The following WASHC3 variants were observed in gnomAD, a reference collection of about 807,000 sequenced individuals.
WASHC3 encodes WASH complex subunit 3.
Under a neutral mutation model 26.1 loss-of-function variants are expected in WASHC3, and 24 were observed. The observed-to-expected ratio is 0.92, with a 90% CI of 0.66 to 1.29. The LOEUF (loss-of-function observed/expected upper bound fraction) is 1.29, where lower values mean the gene tolerates loss of function less well. Among genes scored for constraint, WASHC3 ranks in the 50% most tolerant of loss-of-function variants. The pLI is 0.00. For missense variants in WASHC3, 214 were observed against 229.6 expected (o/e 0.93, Z 0.44); for synonymous variants, 77 against 75.7 (o/e 1.02, Z -0.09).
intron 5 of WASHC3, among the ~76,000 whole-genome samples, chr12:102,035,305 GC>G (rs1323731742): frequency 1.3e-5 from 2 of 152,066 alleles, no homozygotes; most frequent in African/African-American, 4.8e-5. Flanking sequence ...GAACACAAAG[GC>G]CAAAATAAAT....
intron 1 of WASHC3, 92 bp downstream of exon 1, chr12:102,061,819 TG>T: frequency 9.1e-7 from 1 of 1,100,160 alleles, no homozygotes; most frequent in Non-Finnish European, 1.3e-6. Context: ...CGTGACAGGG[TG>T]GGGACTCGGA....
At chr12:102,050,647 G>A (rs2136682970) in intron 2 of WASHC3, 2 of 432,676 alleles carry the variant, frequency 4.6e-6, no homozygotes, top group Non-Finnish European at 9.2e-6. Context: ...CGTCTCGGGG[G>A]GAAAAGAAAA....
At chr12:102,041,857 A>C (rs1877952671) in intron 4 of WASHC3, among the ~76,000 whole-genome samples, 1 of 152,116 alleles carries the variant, frequency 6.6e-6, no homozygotes, top group Admixed American at 6.5e-5. Context: ...CAATTTTTAA[A>C]TAAAATTGCC....
chr12:102,025,877 G>A (rs1055803433), intron 6 of WASHC3, 97 bp downstream of exon 6: 7 of 709,214 alleles, frequency 9.9e-6, no homozygotes, highest in African/African-American at 9.0e-5. Context: ...ATAAAACACT[G>A]TAGGAATAAA....
At chr12:102,035,235 A>G (rs1877606444) in intron 5 of WASHC3, among the ~76,000 whole-genome samples, 1 of 152,160 alleles carries the variant, frequency 6.6e-6, no homozygotes. Flanking sequence ...CCCACTGAAA[A>G]TTTAATTCCT....
chr12:102,038,134 C>T (rs1033497012), intron 5 of WASHC3, among the ~76,000 whole-genome samples: 4 of 152,022 alleles, frequency 2.6e-5, no homozygotes, highest in African/African-American at 9.7e-5. Context: ...GACTGAAAAG[C>T]AATTGAACTT....
At chr12:102,023,049 T>G (rs1254382776) in intron 6 of WASHC3, among the ~76,000 whole-genome samples, 3 of 152,130 alleles carry the variant, frequency 2.0e-5, no homozygotes, top group Non-Finnish European at 4.4e-5. Flanking sequence ...AAAACTTGAA[T>G]TTTTAAAAAC....
chr12:102,021,103 A>G (rs1256229990), intron 6 of WASHC3, among the ~76,000 whole-genome samples: 1 of 152,094 alleles, frequency 6.6e-6, no homozygotes, highest in Non-Finnish European at 1.5e-5. Context: ...AACAAAAACA[A>G]AAACAAAAAA....
chr12:102,060,824 G>C (rs1229267422), intron 2 of WASHC3, among the ~76,000 whole-genome samples: 1 of 151,564 alleles, frequency 6.6e-6, no homozygotes, highest in Non-Finnish European at 1.5e-5. Context: ...GCATGGTGGC[G>C]CATGCCTGTA....
intron 2 of WASHC3, among the ~76,000 whole-genome samples, chr12:102,059,206 A>C (rs1448987116): frequency 1.3e-5 from 2 of 152,064 alleles, no homozygotes; most frequent in African/African-American, 4.8e-5. Context: ...TGCTCACCAC[A>C]AAAAAAAGTA....
chr12:102,018,685 G>A (rs1431878660), intron 6 of WASHC3, among the ~76,000 whole-genome samples: 1 of 152,192 alleles, frequency 6.6e-6, no homozygotes. Flanking sequence ...GCCCAATCTG[G>A]TTTAGAACTC....
intron 6 of WASHC3, among the ~76,000 whole-genome samples, chr12:102,016,310 T>C (rs983368569): frequency 3.3e-5 from 5 of 152,102 alleles, no homozygotes; most frequent in Admixed American, 3.3e-4. Context: ...GTTCAAGCCA[T>C]CCTCCTGCCT....
chr12:102,047,299 C>T (rs1417844379), intron 2 of WASHC3, among the ~76,000 whole-genome samples: 1 of 152,188 alleles, frequency 6.6e-6, no homozygotes, highest in Non-Finnish European at 1.5e-5. Context: ...ACTTTACCAT[C>T]CTGTGAAATG....
chr12:102,057,627 A>G (rs951148194), intron 2 of WASHC3, among the ~76,000 whole-genome samples: 5 of 152,084 alleles, frequency 3.3e-5, no homozygotes, highest in Non-Finnish European at 5.9e-5. Flanking sequence ...CACTAAAAGT[A>G]AACTATCTGA....
chr12:102,061,240 G>C lies in WASHC3; in HGVS notation c.150+8C>G. The C allele has an allele frequency of 6.2e-7, 1 of 1,601,164 alleles. No homozygotes were observed. The highest frequency in any genetic ancestry group is 8.6e-7 in the Non-Finnish European group (1 of 1,168,472). ...GGCGACTCTATAAACCAGTATCACC[G>C]GACCTACCTCCTCACAAACTGTAGA... On this transcript the variant is annotated splice_region_variant and intron_variant, in intron 2 of 6. Transcript: ENST00000240079.
chr12:102,013,241 A>ACCTTT, intron 6 of WASHC3, 49 bp from the exon 7 acceptor site: 1 of 897,544 alleles, frequency 1.1e-6, no homozygotes, highest in Non-Finnish European at 1.7e-6. Flanking sequence ...AATTGAAAAG[A>ACCTTT]GCACTTACAA....
At chr12:102,025,513 A>G (rs1877138789) in intron 6 of WASHC3, among the ~76,000 whole-genome samples, 1 of 151,956 alleles carries the variant, frequency 6.6e-6, no homozygotes, top group East Asian at 1.9e-4. Flanking sequence ...TAGCCTATTT[A>G]TTTCTCAATC....
At chr12:102,030,683 T>C (rs974104442) in intron 5 of WASHC3, among the ~76,000 whole-genome samples, 7 of 152,170 alleles carry the variant, frequency 4.6e-5, no homozygotes, top group Admixed American at 3.3e-4. Context: ...GATATTAGTA[T>C]TAAAATATTC....
intron 2 of WASHC3, among the ~76,000 whole-genome samples, chr12:102,055,127 G>T (rs1298427177): frequency 6.6e-6 from 1 of 152,034 alleles, no homozygotes; most frequent in Admixed American, 6.6e-5. Flanking sequence ...CTGGATTTTT[G>T]AAAAGAAAAA....
Sources: allele counts gnomAD v4.1 joint callset (sites outside exome capture counted in the v4.1 genomes callset), GRCh38; gene constraint gnomAD v4.1.1; transcripts MANE v1.5; gene names NCBI Gene and HGNC (gene_info 2026-07-23, HGNC 2026-07-21).